POLK: variants seen among roughly 807,000 people sequenced by gnomAD.
POLK encodes the protein DNA polymerase kappa.
A neutral mutation model predicts 94.0 loss-of-function variants in POLK; 76 were observed. That is an observed-to-expected ratio of 0.81 (90% CI 0.67 to 0.98). POLK has a LOEUF of 0.98. Ranked by LOEUF, POLK falls within the 50% of genes least tolerant of loss-of-function variation. The pLI is 0.00. For missense variants in POLK, 954 were observed against 1,010.1 expected, an observed-to-expected ratio of 0.94 and a Z score of 0.75; for synonymous variants, 349 against 325.4, an observed-to-expected ratio of 1.07 and a Z score of -0.78.
At chr5:75,519,235 T>C (rs1036347484) in intron 1 of POLK, among the ~76,000 whole-genome samples, 4 of 152,236 alleles carry the variant, frequency 2.6e-5, no homozygotes, top group African/African-American at 9.6e-5. Flanking sequence ...TTTTATTCCA[T>C]TGTGGTTACA....
chr5:75,565,831 A>T (rs1771237142), intron 3 of POLK, among the ~76,000 whole-genome samples: 1 of 152,114 alleles, frequency 6.6e-6, no homozygotes, highest in Non-Finnish European at 1.5e-5. Flanking sequence ...TGCCATCAGG[A>T]GGCATTGGGG....
At chr5:75,536,103 C>G (rs1431221036) in intron 1 of POLK, among the ~76,000 whole-genome samples, 1 of 151,994 alleles carries the variant, frequency 6.6e-6, no homozygotes, top group East Asian at 1.9e-4. Flanking sequence ...ATGTTGCTGT[C>G]CTTTGGATGG....
chr5:75,566,517 G>A (rs5744625), intron 3 of POLK, among the ~76,000 whole-genome samples: 20,010 of 152,206 alleles, frequency 0.13, 1,559 homozygotes, highest in East Asian at 0.21. Flanking sequence ...GAAATCTCCT[G>A]GTCTCCAGGT....
At chr5:75,570,822 T>C (rs918164167) in intron 4 of POLK, among the ~76,000 whole-genome samples, 33 of 152,358 alleles carry the variant, frequency 2.2e-4, no homozygotes, top group African/African-American at 7.9e-4. Flanking sequence ...AACTAATTCT[T>C]ACTGAGTGAT....
At chr5:75,519,964 G>A (rs990957906) in intron 1 of POLK, among the ~76,000 whole-genome samples, 11 of 152,052 alleles carry the variant, frequency 7.2e-5, no homozygotes, top group Non-Finnish European at 1.5e-4. Flanking sequence ...TCCTTTCTGT[G>A]TTCTTTTGTG....
At chr5:75,554,025 C>T (rs1010054341) in intron 3 of POLK, among the ~76,000 whole-genome samples, 8 of 152,114 alleles carry the variant, frequency 5.3e-5, no homozygotes, top group African/African-American at 1.9e-4. Flanking sequence ...ATCCATATTC[C>T]ATCTCCTGGT....
chr5:75,541,969 G>C (rs1330354707), intron 1 of POLK, among the ~76,000 whole-genome samples: 1 of 152,100 alleles, frequency 6.6e-6, no homozygotes, highest in Non-Finnish European at 1.5e-5. Context: ...AATGAAAAAG[G>C]AAATTTTAAA....
At chr5:75,596,043 G>A (rs1272081462) in intron 12 of POLK, among the ~76,000 whole-genome samples, 179 bp from the exon 13 acceptor site, 1 of 152,176 alleles carries the variant, frequency 6.6e-6, no homozygotes, top group Non-Finnish European at 1.5e-5. Flanking sequence ...AATATTTAAT[G>A]ATATTCTTTT....
chr5:75,544,573 C>T (rs527277694), intron 1 of POLK, among the ~76,000 whole-genome samples: 57 of 150,784 alleles, frequency 3.8e-4, no homozygotes, highest in Non-Finnish European at 7.1e-4. Context: ...ACCCAGGAGG[C>T]GGAGGTAGCA....
exon 13 of POLK, chr5:75,596,843 A>G (rs780414837): frequency 4.3e-6 from 7 of 1,612,804 alleles, no homozygotes; most frequent in Non-Finnish European, 5.9e-6. Context: ...GAAAGCATAG[A>G]TGCTTTAAGT....
chr5:75,518,620 G>C (rs916955970), intron 1 of POLK, among the ~76,000 whole-genome samples: 7 of 151,790 alleles, frequency 4.6e-5, no homozygotes, highest in Non-Finnish European at 5.9e-5. Flanking sequence ...ATTTACTGCT[G>C]TTCTTATCTT....
intron 3 of POLK, among the ~76,000 whole-genome samples, chr5:75,559,505 GTTTTTTTGTTTTGTTTTGTTTTT>G (rs1770843986): frequency 4.3e-5 from 3 of 70,080 alleles, no homozygotes; most frequent in South Asian, 5.8e-4. Flanking sequence ...TTTGGGGTTT[GTTTTTTTGTTTTGTTTTGTTTTT>G]TTTTTTTTTT....
At chr5:75,561,584 G>T (rs1055871907) in intron 3 of POLK, among the ~76,000 whole-genome samples, 1 of 152,170 alleles carries the variant, frequency 6.6e-6, no homozygotes, top group East Asian at 1.9e-4. Flanking sequence ...CTTTGCCCAT[G>T]CCTGTGTCCT....
chr5:75,539,188 G>A (rs1235324333), intron 1 of POLK, among the ~76,000 whole-genome samples: 2 of 151,820 alleles, frequency 1.3e-5, no homozygotes, highest in African/African-American at 2.4e-5. Flanking sequence ...GATTATTAAG[G>A]AAGGTATGTG....
upstream of POLK, among the ~76,000 whole-genome samples, chr5:75,510,860 C>T (rs1330400717): frequency 6.6e-6 from 1 of 152,170 alleles, no homozygotes; most frequent in Non-Finnish European, 1.5e-5. Context: ...AGTCACGGCG[C>T]GCATCTGGCC....
chr5:75,547,775 A>G (rs1396428326), intron 2 of POLK, among the ~76,000 whole-genome samples: 2 of 152,228 alleles, frequency 1.3e-5, no homozygotes, highest in African/African-American at 2.4e-5. Flanking sequence ...TGGTGTTTCT[A>G]TCAATTCACA....
In POLK at chr5:75,552,465, T is replaced by TC; in HGVS notation, c.136-5dup. ...TTTCTTATGCTTTGTTTTGTTTTCCTCCATAGGGGTCCAGATTTTATGGAA... is the reference window on the plus strand; with the variant it reads ...TTTCTTATGCTTTGTTTTGTTTTCCTCCCATAGGGGTCCAGATTTTATGGAA... On this transcript the variant is annotated splice_region_variant and splice_polypyrimidine_tract_variant and intron_variant, in intron 2 of 14. Transcript: ENST00000241436. 1 of 1,608,666 alleles carries TC rather than the reference T, an allele frequency of 6.2e-7. No homozygotes were observed. Among genetic ancestry groups the TC allele is most frequent in the Non-Finnish European group, 8.5e-7 (1 of 1,178,130 alleles).
intron 1 of POLK, among the ~76,000 whole-genome samples, chr5:75,538,001 C>T (rs1008537535): frequency 6.6e-6 from 1 of 151,982 alleles, no homozygotes; most frequent in Non-Finnish European, 1.5e-5. Flanking sequence ...GGACTACAGG[C>T]ACCTGCCACC....
At chr5:75,597,811 A>T in intron 14 of POLK, 22 bp downstream of exon 14, 1 of 1,439,992 alleles carries the variant, frequency 6.9e-7, no homozygotes, top group Non-Finnish European at 9.4e-7. Context: ...TTGAGCTTTA[A>T]TAAAGCTGGC....
Sources: gnomAD v4.1 joint callset for allele counts (sites outside exome capture counted in the v4.1 genomes callset) on GRCh38, gnomAD v4.1.1 for gene constraint, MANE v1.5 for transcripts, NCBI Gene and HGNC (gene_info 2026-07-23, HGNC 2026-07-21) for gene names.